The following EIF4B variants were observed in gnomAD, a reference collection of about 807,000 sequenced individuals.
EIF4B encodes eukaryotic translation initiation factor 4B.
Under a neutral mutation model 79.3 loss-of-function variants are expected in EIF4B, and 8 were observed. The ratio of observed to expected loss-of-function variants is 0.10; its 90% CI spans 0.06 to 0.18. The LOEUF is 0.18. Among genes scored for constraint, EIF4B ranks in the 10% least tolerant of loss-of-function variants. EIF4B has a pLI of 1.00. For missense variants in EIF4B, 515 were observed against 792.4 expected (o/e 0.65, Z 4.20); for synonymous variants, 238 against 274.7 (o/e 0.87, Z 1.32).
chr12:53,023,245 A>G (rs544121320), intron 6 of EIF4B, among the ~76,000 whole-genome samples: 1 of 152,292 alleles, frequency 6.6e-6, no homozygotes, highest in East Asian at 1.9e-4. Flanking sequence ...ATATATATAT[A>G]TTTTTGAGAC....
intron 12 of EIF4B, 91 bp from the exon 13 acceptor site, chr12:53,039,147 G>A: frequency 1.1e-6 from 1 of 927,020 alleles, no homozygotes; most frequent in Non-Finnish European, 1.7e-6. Flanking sequence ...GTACATGTGG[G>A]CACAATTTTC....
At chr12:53,024,651 T>C (rs1410773445) in intron 6 of EIF4B, among the ~76,000 whole-genome samples, 2 of 148,718 alleles carry the variant, frequency 1.3e-5, no homozygotes, top group South Asian at 2.1e-4. Context: ...ACAAGCTCTT[T>C]GTTTTGTTTT....
intron 6 of EIF4B, among the ~76,000 whole-genome samples, chr12:53,027,136 A>ATTTTTTTTTTTTTTTTTTTTGTTT (rs777111413): frequency 3.4e-5 from 1 of 29,444 alleles, no homozygotes; most frequent in Non-Finnish European, 1.2e-4. Context: ...AAAAAAAAAA[A>ATTTTTTTTTTTTTTTTTTTTGTTT]ATTTTTTTTT....
chr12:53,022,703 A>T, intron 6 of EIF4B, 76 bp downstream of exon 6: 1 of 1,523,290 alleles, frequency 6.6e-7, no homozygotes, highest in Non-Finnish European at 8.8e-7. Flanking sequence ...TGTGTTACAG[A>T]TGATCAGATC....
Position 53,041,870 on chromosome 12 carries a change from T to A in EIF4B, c.*1647T>A, listed in dbSNP as rs1012433964. On this transcript the variant is annotated 3_prime_UTR_variant, in exon 15 of 15. Transcript: ENST00000262056. ...TGGGCTTTTAAAGAGTATTGAAGAT[T>A]GAAAGGGTTTTTCTTTCTTTTTTAA... The A allele has an allele frequency of 4.9e-4, 74 of 152,386 alleles. No individual in the cohort carries two copies. Among genetic ancestry groups the A allele is most frequent in the African/African-American group, 1.7e-3 (70 of 41,550 alleles). 9.4% of individuals were successfully genotyped at this position (152,386 alleles called of 1,614,324 possible).
intron 6 of EIF4B, among the ~76,000 whole-genome samples, chr12:53,025,647 A>AT (rs1234576434): frequency 6.6e-6 from 1 of 152,132 alleles, no homozygotes; most frequent in African/African-American, 2.4e-5. Context: ...CACAGGGCTG[A>AT]TTTTCTTATA....
chr12:53,028,977 T>G (rs1943387315), intron 8 of EIF4B, among the ~76,000 whole-genome samples: 1 of 151,998 alleles, frequency 6.6e-6, no homozygotes, highest in African/African-American at 2.4e-5. Flanking sequence ...AATACAAAAA[T>G]TAGGTGGCCG....
intron 2 of EIF4B, among the ~76,000 whole-genome samples, chr12:53,017,498 G>A (rs977887518): frequency 6.6e-6 from 1 of 152,148 alleles, no homozygotes; most frequent in Non-Finnish European, 1.5e-5. Flanking sequence ...TAATGACCGG[G>A]TATGACATAA....
intron 8 of EIF4B, among the ~76,000 whole-genome samples, chr12:53,028,707 TTA>T (rs1365109139): frequency 6.6e-6 from 1 of 152,166 alleles, no homozygotes; most frequent in African/African-American, 2.4e-5. Flanking sequence ...CCAGATACTG[TTA>T]TGTTGTGATC....
intron 1 of EIF4B, among the ~76,000 whole-genome samples, chr12:53,008,335 C>T (rs1436952201): frequency 6.6e-6 from 1 of 152,164 alleles, no homozygotes; most frequent in East Asian, 1.9e-4. Flanking sequence ...CCTTGAAAAC[C>T]CTCATCTCCT....
chr12:53,011,776 A>G (rs955167495), intron 1 of EIF4B, among the ~76,000 whole-genome samples: 1 of 152,112 alleles, frequency 6.6e-6, no homozygotes, highest in African/African-American at 2.4e-5. Context: ...CTTTTATTAA[A>G]CCTGTATGGG....
intron 8 of EIF4B, among the ~76,000 whole-genome samples, chr12:53,031,809 C>CATCT (rs898658300): frequency 2.0e-5 from 3 of 152,138 alleles, no homozygotes; most frequent in Non-Finnish European, 4.4e-5. Context: ...ATGAAGTCAC[C>CATCT]ATCTAGTGGT....
chr12:53,027,826 C>T lies in EIF4B; in HGVS notation c.712C>T (p.Arg238Trp), dbSNP rs777971823. The T allele has an allele frequency of 8.1e-6, 13 of 1,612,150 alleles. No homozygotes were observed. The highest frequency in any genetic ancestry group is 1.3e-5 in the African/African-American group (1 of 74,914). ...YDSDRYRDGYRDGYRDGPRRD... is the reference protein window; with the variant it reads ...YDSDRYRDGYWDGYRDGPRRD... The stretch of plus-strand genomic sequence containing the variant: ...TTCAGACCGGTATCGGGATGGGTAT[C>T]GGGATGGGTATCGGGATGGCCCACG... Residue 238 changes from arginine to tryptophan, a missense_variant, in exon 7 of 15, where the codon CGG (arginine) becomes TGG (tryptophan). Around this residue, in one of 6 missense-constraint regions of EIF4B, gnomAD observed 187 missense variants for 256.5 expected, o/e 0.73. Transcript: ENST00000262056.
At chr12:53,007,419 C>CT in intron 1 of EIF4B, among the ~76,000 whole-genome samples, 2 of 118,182 alleles carry the variant, frequency 1.7e-5, no homozygotes, top group African/African-American at 7.6e-5. Context: ...TAGATTTCAG[C>CT]CTTTTTTTTT....
chr12:53,025,463 G>C, intron 6 of EIF4B: 1 of 310,244 alleles, frequency 3.2e-6, no homozygotes. Flanking sequence ...AGGGGTGTTG[G>C]GGGGTATTAC....
At chr12:53,011,178 G>A (rs1294326354) in intron 1 of EIF4B, among the ~76,000 whole-genome samples, 2 of 152,034 alleles carry the variant, frequency 1.3e-5, no homozygotes, top group African/African-American at 4.8e-5. Flanking sequence ...GCAGTGGGAG[G>A]ATTGCTTAAG....
intron 1 of EIF4B, among the ~76,000 whole-genome samples, chr12:53,007,065 C>T (rs1211729902): frequency 5.3e-5 from 8 of 152,168 alleles, no homozygotes; most frequent in Non-Finnish European, 7.3e-5. Flanking sequence ...GCCTTCAATG[C>T]GTGCGCTAGA....
intron 6 of EIF4B, 39 bp downstream of exon 6, chr12:53,022,666 T>TG: frequency 6.3e-7 from 1 of 1,599,054 alleles, no homozygotes; most frequent in Non-Finnish European, 8.5e-7. Flanking sequence ...CTCTGTGCTT[T>TG]GGGAGGCTAT....
Position 53,040,404 on chromosome 12 carries a change from G to A in EIF4B, c.*181G>A, listed in dbSNP as rs1943613850. ...ATGCTGCTGCAGCCTTTAAAGTATT[G>A]AAGTAACTGGAGAATTGCCAATACA... is the stretch of plus-strand genomic sequence containing the variant. On this transcript the variant is annotated 3_prime_UTR_variant, in exon 15 of 15. Coordinates refer to ENST00000262056, the MANE Select transcript of EIF4B (RefSeq NM_001417.7). 1.6e-5 allele frequency: 9 copies of A among 577,888 alleles called. No homozygotes were observed. Among genetic ancestry groups the A allele is most frequent in the South Asian group, 9.1e-5 (4 of 43,966 alleles). 35.8% of individuals were successfully genotyped at this position (577,888 alleles called of 1,614,324 possible).
Sources: gnomAD v4.1 joint callset for allele counts (sites outside exome capture counted in the v4.1 genomes callset) on GRCh38, gnomAD v4.1.1 for gene constraint, gnomAD v4.1.1 regional missense constraint, MANE v1.5 for transcripts, NCBI Gene and HGNC (gene_info 2026-07-23, HGNC 2026-07-21) for gene names.